The following C6orf132 variants were observed in gnomAD, a reference collection of about 807,000 sequenced individuals.
The protein encoded by C6orf132 is chromosome 6 open reading frame 132.
C6orf132 carries 43 observed loss-of-function variants against 65.3 expected under a neutral mutation model. The observed-to-expected ratio is 0.66, with a 90% CI of 0.52 to 0.85. The LOEUF (loss-of-function observed/expected upper bound fraction) is 0.85, where lower values mean the gene tolerates loss of function less well. Ranked by LOEUF, C6orf132 falls within the 40% of genes least tolerant of loss-of-function variation. The probability of loss-of-function intolerance (pLI) is 0.00; values close to 1 mark genes in which losing one functional copy is unlikely to be tolerated. For synonymous variants in C6orf132, 631 were observed against 654.1 expected (o/e 0.96, Z 0.54); for missense variants, 1,488 against 1,548.8 (o/e 0.96, Z 0.66).
At chr6:42,115,911 T>C (rs1162237811) in intron 2 of C6orf132, among the ~76,000 whole-genome samples, 1 of 148,916 alleles carries the variant, frequency 6.7e-6, no homozygotes, top group Non-Finnish European at 1.5e-5. Context: ...CTTTTTTTTT[T>C]TTTCTTTTTT....
Position 42,142,554 on chromosome 6 carries a change from C to A in C6orf132, c.-110G>T. 1 of 1,106,422 alleles carries A rather than the reference C, an allele frequency of 9.0e-7. No individual in the cohort carries two copies. The highest frequency in any genetic ancestry group is 1.2e-6 in the Non-Finnish European group (1 of 838,386). 68.5% of individuals were successfully genotyped at this position (1,106,422 alleles called of 1,614,324 possible). A position where few individuals can be genotyped will look rare whatever the true frequency, so the allele number is the denominator to read the frequency against. On this transcript the variant is annotated 5_prime_UTR_variant, in exon 1 of 5. Coordinates refer to ENST00000341865, the MANE Select transcript of C6orf132 (RefSeq NM_001164446.3). ...CCAGGGGACTCTACCAGGCCATGTC[C>A]CCCGCCGTCCTCCCCGCCCGCGCAC...
In C6orf132 at chr6:42,106,474, C is replaced by T; in HGVS notation, c.1438G>A (p.Gly480Ser). The change falls in exon 4 of 5, where the codon GGC becomes AGC. Residue 480 changes from glycine (G) to serine (S), a missense_variant. Gly to Ser is a moderately conservative substitution (Grantham distance 56). Coordinates refer to ENST00000341865, the MANE Select transcript of C6orf132 (RefSeq NM_001164446.3). ...AGGAATCGGTCCTCTCTCCTGGAGC[C>T]ACAGAGATAGGCTGCCAGCTCGTTC... ...LRNELAAYLC[G>S]SRREDRFLSH... 1 of 1,536,390 alleles carries T rather than the reference C, an allele frequency of 6.5e-7. No individual in the cohort carries two copies. The highest frequency in any genetic ancestry group is 8.7e-7 in the Non-Finnish European group (1 of 1,146,836).
chr6:42,106,674 G>T lies in C6orf132; in HGVS notation c.1238C>A (p.Ala413Asp). Residue 413 changes from alanine (A) to aspartate (D), a missense_variant, in exon 4 of 5, where the codon GCT (alanine) becomes GAT (aspartate). Physicochemically the swap from Ala to Asp is moderately radical, Grantham distance 126 (BLOSUM62 -2). Transcript: ENST00000341865. Reference protein sequence around the residue: ...LPPPAPPLPPAAPPLPCAQKA... With the variant: ...LPPPAPPLPPDAPPLPCAQKA... ...CTGAGCACAGGGCAAAGGAGGTGCAGCTGGGGGAAGTGGGGGTGCTGGGGG... is the reference window on the plus strand; with the variant it reads ...CTGAGCACAGGGCAAAGGAGGTGCATCTGGGGGAAGTGGGGGTGCTGGGGG... 6.6e-7 allele frequency: 1 copy of T among 1,524,402 alleles called. No individual in the cohort carries two copies. Among genetic ancestry groups the T allele is most frequent in the Non-Finnish European group, 8.8e-7 (1 of 1,140,348 alleles). The allele number at this position is 1,524,402 out of a possible 1,614,324, so 94.4% of individuals were successfully genotyped here. A position where few individuals can be genotyped will look rare whatever the true frequency, so the allele number is the denominator to read the frequency against.
At chr6:42,120,215 G>A (rs1766658186) in intron 2 of C6orf132, among the ~76,000 whole-genome samples, 1 of 151,394 alleles carries the variant, frequency 6.6e-6, no homozygotes, top group Admixed American at 6.6e-5. Context: ...ATATTTATAT[G>A]TATTTCCTTC....
At chr6:42,120,062 C>A (rs569768553) in intron 2 of C6orf132, among the ~76,000 whole-genome samples, 1 of 151,704 alleles carries the variant, frequency 6.6e-6, no homozygotes, top group African/African-American at 2.4e-5. Context: ...CCATTGCACC[C>A]CAGCCTGGGC....
chr6:42,128,939 A>G (rs55818426), intron 1 of C6orf132, among the ~76,000 whole-genome samples, 161 bp from the exon 2 acceptor site: 3,192 of 152,290 alleles, frequency 0.021, 110 homozygotes, highest in African/African-American at 0.072. Context: ...GATCTTATGG[A>G]TGAGATGTGC....
rs879926961 is a variant in C6orf132 at position 42,104,468 on chromosome 6, G to A, written c.3444C>T (p.Ala1148=). The A allele has an allele frequency of 2.4e-6, 3 of 1,230,828 alleles. No individual in the cohort carries two copies. Among genetic ancestry groups the A allele is most frequent in the Non-Finnish European group, 3.0e-6 (3 of 987,512 alleles). 76.2% of individuals were successfully genotyped at this position (1,230,828 alleles called of 1,614,324 possible). ...CAGCCGGGCCCGCAGCTCACCTGCC[G>A]GCAGCTGGGGCGAAGCCGTAGTCGG... ...GSADYGFAPA[A]GRSPYTTTRY... is the part of the protein sequence containing the mutation. Residue 1148 remains alanine (A), a synonymous_variant, in exon 4 of 5, where the codon GCC becomes GCT. Transcript: ENST00000341865. The surrounding 1 kb of genome is among the most constrained non-coding windows in gnomAD (Gnocchi z 4.1).
Position 42,107,090 on chromosome 6 carries a change from G to T in C6orf132, c.822C>A (p.Ala274=), listed in dbSNP as rs1256561372. 2 of 1,466,112 alleles carry T rather than the reference G, an allele frequency of 1.4e-6. No homozygotes were observed. The highest frequency in any genetic ancestry group is 9.0e-7 in the Non-Finnish European group (1 of 1,112,252). The allele number at this position is 1,466,112 out of a possible 1,614,324, so 90.8% of individuals were successfully genotyped here. Reference sequence around the variant, plus strand: ...GCTCAGCAGGGCTTCTCGGGGGGCTGGCTCTGGTGGCCTCTGCCTGCCTGC... The same window carrying T: ...GCTCAGCAGGGCTTCTCGGGGGGCTTGCTCTGGTGGCCTCTGCCTGCCTGC... The part of the protein sequence containing the change: ...LNGRQAEATR[A]SPPRSPAEPK... The change falls in exon 4 of 5, where the codon GCC becomes GCA. Residue 274 remains alanine (A), a synonymous_variant. Coordinates refer to ENST00000341865, the MANE Select transcript of C6orf132 (RefSeq NM_001164446.3).
intron 1 of C6orf132, among the ~76,000 whole-genome samples, chr6:42,137,360 C>T (rs940732128): frequency 6.6e-6 from 1 of 152,084 alleles, no homozygotes; most frequent in Non-Finnish European, 1.5e-5. Context: ...ACTGGACTGC[C>T]GGCAAACCAC....
At position 42,103,490 on chromosome 6, in the gene C6orf132, C is replaced by T; in HGVS notation, c.*271G>A. On this transcript the variant is annotated 3_prime_UTR_variant, in exon 5 of 5. Coordinates refer to ENST00000341865, the MANE Select transcript of C6orf132 (RefSeq NM_001164446.3). ...GAGAGCAGAAACTCAGCGCCCAGGT[C>T]CTTAATGGTTCCTTCTCTCTACCCT... 1 of 390,506 alleles carries T rather than the reference C, an allele frequency of 2.6e-6. No homozygotes were observed. The highest frequency in any genetic ancestry group is 4.5e-6 in the Non-Finnish European group (1 of 221,634). The allele number at this position is 390,506 out of a possible 1,614,324, so 24.2% of individuals were successfully genotyped here.
In C6orf132 at chr6:42,103,485, C is replaced by T; in HGVS notation, c.*276G>A. 1 of 390,166 alleles carries T rather than the reference C, an allele frequency of 2.6e-6. No homozygotes were observed. Among genetic ancestry groups the T allele is most frequent in the Non-Finnish European group, 4.5e-6 (1 of 221,470 alleles). The allele number at this position is 390,166 out of a possible 1,614,324, so 24.2% of individuals were successfully genotyped here. On this transcript the variant is annotated 3_prime_UTR_variant, in exon 5 of 5. Coordinates refer to ENST00000341865, the MANE Select transcript of C6orf132 (RefSeq NM_001164446.3). ...TACCAGAGAGCAGAAACTCAGCGCC[C>T]AGGTCCTTAATGGTTCCTTCTCTCT...
intron 2 of C6orf132, chr6:42,126,579 C>G (rs972235293): frequency 1.0e-5 from 2 of 198,334 alleles, no homozygotes; most frequent in African/African-American, 4.7e-5. Context: ...CGGTAGCTCA[C>G]GCCTGTAATC....
At chr6:42,138,107 G>A (rs1279248382) in intron 1 of C6orf132, among the ~76,000 whole-genome samples, 1 of 152,186 alleles carries the variant, frequency 6.6e-6, no homozygotes, top group East Asian at 1.9e-4. Flanking sequence ...GACTTCCTGT[G>A]CCTGAGGTGG....
chr6:42,120,626 G>GT (rs1281125427), intron 2 of C6orf132, among the ~76,000 whole-genome samples: 1 of 148,436 alleles, frequency 6.7e-6, no homozygotes, highest in African/African-American at 2.5e-5. Flanking sequence ...GTTTTTTGGG[G>GT]TTTTTTGTTT....
rs145411737 is a variant in C6orf132 at position 42,107,014 on chromosome 6, G to A, written c.898C>T (p.Arg300Cys). 1.1e-3 allele frequency: 1,705 copies of A among 1,533,080 alleles called. 14 individuals are homozygous for A. The African/African-American group carries it at 0.019, about 17-fold the overall frequency. 95.0% of individuals were successfully genotyped at this position (1,533,080 alleles called of 1,614,324 possible). A position where few individuals can be genotyped will look rare whatever the true frequency, so the allele number is the denominator to read the frequency against. The change falls in exon 4 of 5, where the codon CGT becomes TGT. Residue 300 changes from arginine (R) to cysteine (C), a missense_variant. Arg to Cys is a radical substitution (Grantham distance 180, BLOSUM62 -3). Coordinates refer to ENST00000341865, the MANE Select transcript of C6orf132 (RefSeq NM_001164446.3). Reference protein sequence around the residue: ...PNPEPHLTFPRSFKVPPPTPV... With the variant: ...PNPEPHLTFPCSFKVPPPTPV... The stretch of plus-strand genomic sequence containing the variant: ...GTTGGGGGAGGCACTTTGAAAGAAC[G>A]GGGGAAGGTGAGATGGGGCTCTGGG...
In C6orf132 at chr6:42,105,132, G is replaced by A. The variant is rs914601209; in HGVS notation, c.2780C>T (p.Thr927Ile). ...CCAGTTGTGCCTGCGGCTCAGCTCT[G>A]TGCCCTCTGCGTCTCTTCCCAGCCG... Reference protein sequence around the residue: ...GPRLGRDAEGTELSRRHNWTK... With the variant: ...GPRLGRDAEGIELSRRHNWTK... Residue 927 changes from threonine to isoleucine, a missense_variant, in exon 4 of 5, where the codon ACA (threonine) becomes ATA (isoleucine). Transcript: ENST00000341865. 70 of 1,536,906 alleles carry A rather than the reference G, an allele frequency of 4.6e-5. No homozygotes were observed. Among genetic ancestry groups the A allele is most frequent in the Non-Finnish European group, 5.8e-5 (67 of 1,146,854 alleles).
Position 42,104,374 on chromosome 6 carries a change from T to C in C6orf132, c.3449+89A>G. 4 of 1,224,586 alleles carry C rather than the reference T, an allele frequency of 3.3e-6. No homozygotes were observed. Among genetic ancestry groups the C allele is most frequent in the Non-Finnish European group, 3.0e-6 (3 of 983,738 alleles). The allele number at this position is 1,224,586 out of a possible 1,614,324, so 75.9% of individuals were successfully genotyped here. The stretch of plus-strand genomic sequence containing the variant: ...AGGCCGAAGGGAGAAAACCAAATGT[T>C]TTCTCTTGACGGATGGCCGGGACTC... On this transcript the variant is annotated intron_variant, in intron 4 of 4. Coordinates refer to ENST00000341865, the MANE Select transcript of C6orf132 (RefSeq NM_001164446.3). The surrounding 1 kb of genome is among the most constrained non-coding windows in gnomAD (Gnocchi z 4.1).
At chr6:42,112,558 G>A (rs1766511360) in intron 2 of C6orf132, among the ~76,000 whole-genome samples, 1 of 152,182 alleles carries the variant, frequency 6.6e-6, no homozygotes, top group Non-Finnish European at 1.5e-5. Context: ...AGGACTAAAT[G>A]ATGCAATGCA....
At chr6:42,120,465 C>T (rs1766663982) in intron 2 of C6orf132, among the ~76,000 whole-genome samples, 4 of 151,946 alleles carry the variant, frequency 2.6e-5, no homozygotes, top group Admixed American at 2.6e-4. Flanking sequence ...CCAGGATGGT[C>T]TCGATCTCCT....
Sources: gnomAD v4.1 joint callset for allele counts (sites outside exome capture counted in the v4.1 genomes callset) on GRCh38, gnomAD v4.1.1 for gene constraint, Gnocchi (gnomAD v3.1) non-coding constraint, MANE v1.5 for transcripts, NCBI Gene and HGNC (gene_info 2026-07-23, HGNC 2026-07-21) for gene names.